The following CDH10 variants were observed in gnomAD, a reference collection of about 807,000 sequenced individuals.
The protein encoded by CDH10 is cadherin-10.
In CDH10, 30 loss-of-function variants were observed where a neutral mutation model predicts 73.1. The ratio of observed to expected loss-of-function variants is 0.41; its 90% confidence interval spans 0.31 to 0.56. The LOEUF (loss-of-function observed/expected upper bound fraction) is 0.56, where lower values mean the gene tolerates loss of function less well. Among genes scored for constraint, CDH10 ranks in the 20% least tolerant of loss-of-function variants. The pLI is 0.27. For missense variants in CDH10, 815 were observed against 973.7 expected, an observed-to-expected ratio of 0.84 and a Z score of 2.17; for synonymous variants, 345 against 348.2, an observed-to-expected ratio of 0.99 and a Z score of 0.10.
intron 2 of CDH10, among the ~76,000 whole-genome samples, chr5:24,565,361 C>T (rs1461905589): frequency 1.3e-5 from 2 of 152,102 alleles, no homozygotes; most frequent in Non-Finnish European, 2.9e-5. Context: ...ACTAACATTA[C>T]ATTCTTGGAA....
chr5:24,490,361 G>A (rs1368186001), intron 11 of CDH10, among the ~76,000 whole-genome samples: 1 of 152,006 alleles, frequency 6.6e-6, no homozygotes, highest in African/African-American at 2.4e-5. Context: ...GAAATAAAAT[G>A]AGGTATGCAT....
chr5:24,537,730 G>A (rs1744011142), intron 2 of CDH10, 56 bp from the exon 3 acceptor site: 1 of 1,136,734 alleles, frequency 8.8e-7, no homozygotes, highest in South Asian at 1.5e-5. Context: ...GCAGGATGCT[G>A]AAAGAATTCG....
At chr5:24,533,143 A>G (rs1297066711) in intron 5 of CDH10, among the ~76,000 whole-genome samples, 1 of 152,026 alleles carries the variant, frequency 6.6e-6, no homozygotes, top group Non-Finnish European at 1.5e-5. Flanking sequence ...CCTGGGCAAC[A>G]CGGCGAAACC....
intron 1 of CDH10, among the ~76,000 whole-genome samples, chr5:24,643,054 G>T (rs1379632161): frequency 6.6e-6 from 1 of 150,830 alleles, no homozygotes; most frequent in Non-Finnish European, 1.5e-5. Context: ...GTGTCCCTAA[G>T]GCACAGATCC....
rs979714770 is a variant in CDH10, at chr5:24,626,812, G to T, written c.-124+17782C>A. Among the ~76,000 whole-genome samples, 82 of 149,824 alleles carry T rather than the reference G, an allele frequency of 5.5e-4. 1 individual carries two copies. Among genetic ancestry groups the T allele is most frequent in the Admixed American group, 2.1e-3 (31 of 14,842 alleles). ...TATATATGTGTGTGTGTGTGTGTGTGTGTGTATAAGTACATATATATAAGT... is the reference window on the plus strand; with the variant it reads ...TATATATGTGTGTGTGTGTGTGTGTTTGTGTATAAGTACATATATATAAGT... On this transcript the variant is annotated intron_variant, in intron 1 of 11. Transcript: ENST00000264463.
chr5:24,522,684 C>G (rs188211771), intron 5 of CDH10, among the ~76,000 whole-genome samples: 1 of 152,158 alleles, frequency 6.6e-6, no homozygotes, highest in African/African-American at 2.4e-5. Flanking sequence ...CACAACACAT[C>G]AAAAACACAA....
chr5:24,611,699 G>A (rs963062615), intron 1 of CDH10: 8 of 152,034 alleles, frequency 5.3e-5, no homozygotes, highest in African/African-American at 1.4e-4. Flanking sequence ...CATGCGCACC[G>A]ATCTAGTAAC....
chr5:24,609,199 T>C (rs1249933967), intron 1 of CDH10, among the ~76,000 whole-genome samples: 1 of 152,202 alleles, frequency 6.6e-6, no homozygotes, highest in Non-Finnish European at 1.5e-5. Context: ...TTCTGAAGAA[T>C]GGCTCTCAGG....
chr5:24,500,556 C>G (rs1309828965), intron 8 of CDH10, among the ~76,000 whole-genome samples: 1 of 152,198 alleles, frequency 6.6e-6, no homozygotes, highest in African/African-American at 2.4e-5. Context: ...GCTTTGATTC[C>G]CAAGTTCACC....
chr5:24,543,885 G>T (rs1270272024), intron 2 of CDH10, among the ~76,000 whole-genome samples: 6 of 152,186 alleles, frequency 3.9e-5, no homozygotes, highest in Non-Finnish European at 5.9e-5. Flanking sequence ...AGATTAGAGA[G>T]TAATGCTGGC....
chr5:24,611,456 T>A (rs1032302994), intron 1 of CDH10, among the ~76,000 whole-genome samples: 2 of 152,162 alleles, frequency 1.3e-5, no homozygotes, highest in Admixed American at 1.3e-4. Flanking sequence ...GAAAAGTCTT[T>A]CTCTGTCTCC....
chr5:24,592,332 CATG>C (rs1746227461), intron 2 of CDH10, among the ~76,000 whole-genome samples: 2 of 151,792 alleles, frequency 1.3e-5, no homozygotes, highest in East Asian at 1.9e-4. Context: ...GTGATGTATG[CATG>C]ATAATTGTGT....
chr5:24,536,890 G>A (rs957439310), intron 3 of CDH10, among the ~76,000 whole-genome samples: 2 of 151,444 alleles, frequency 1.3e-5, no homozygotes, highest in Non-Finnish European at 2.9e-5. Flanking sequence ...TATAATGATA[G>A]GATTTTTTTA....
chr5:24,547,710 G>A (rs184801074), intron 2 of CDH10, among the ~76,000 whole-genome samples: 46 of 152,246 alleles, frequency 3.0e-4, no homozygotes, highest in African/African-American at 1.0e-3. Flanking sequence ...GTAAAGAGGT[G>A]AAAGTTGGAA....
chr5:24,603,857 A>G (rs1297401243), intron 1 of CDH10, among the ~76,000 whole-genome samples: 1 of 152,194 alleles, frequency 6.6e-6, no homozygotes, highest in Non-Finnish European at 1.5e-5. Context: ...AATGGAAATC[A>G]TACATATTGA....
At chr5:24,495,430 G>T (rs1742235553) in intron 9 of CDH10, among the ~76,000 whole-genome samples, 1 of 152,146 alleles carries the variant, frequency 6.6e-6, no homozygotes, top group African/African-American at 2.4e-5. Flanking sequence ...ACAGTGTCTG[G>T]AACCGTGAAT....
chr5:24,636,512 A>C (rs868196809), intron 1 of CDH10, among the ~76,000 whole-genome samples: 9 of 151,910 alleles, frequency 5.9e-5, no homozygotes, highest in Admixed American at 1.3e-4. Context: ...TTTCACAGTG[A>C]CCAAGTTTTA....
At chr5:24,548,069 A>G (rs1182276812) in intron 2 of CDH10, among the ~76,000 whole-genome samples, 1 of 152,194 alleles carries the variant, frequency 6.6e-6, no homozygotes, top group Non-Finnish European at 1.5e-5. Context: ...TTGATATTCC[A>G]GTCTTGAATC....
At chr5:24,581,612 G>A (rs1384446377) in intron 2 of CDH10, among the ~76,000 whole-genome samples, 2 of 152,096 alleles carry the variant, frequency 1.3e-5, no homozygotes, top group Non-Finnish European at 2.9e-5. Flanking sequence ...AAAATACTTG[G>A]TGTTCCACGC....
Sources: gnomAD v4.1 joint callset for allele counts (sites outside exome capture counted in the v4.1 genomes callset) on GRCh38, gnomAD v4.1.1 for gene constraint, MANE v1.5 for transcripts, NCBI Gene and HGNC (gene_info 2026-07-23, HGNC 2026-07-21) for gene names.